RIMS2: variants seen among roughly 807,000 people sequenced by gnomAD.
The protein encoded by RIMS2 is regulating synaptic membrane exocytosis protein 2.
Under a neutral mutation model 174.4 loss-of-function variants are expected in RIMS2, and 59 were observed. That is an observed-to-expected ratio of 0.34 (90% CI 0.27 to 0.42). The LOEUF (loss-of-function observed/expected upper bound fraction) is 0.42. Among genes scored for constraint, RIMS2 ranks in the 10% least tolerant of loss-of-function variants. RIMS2 has a pLI of 1.00. For synonymous variants in RIMS2, 606 were observed against 572.5 expected (o/e 1.06, Z -0.84); for missense variants, 1,620 against 1,666.3 (o/e 0.97, Z 0.48).
chr8:103,824,441 C>G (rs1207055340), intron 3 of RIMS2, among the ~76,000 whole-genome samples: 1 of 152,058 alleles, frequency 6.6e-6, no homozygotes, highest in Non-Finnish European at 1.5e-5. Context: ...TAGGACTCAT[C>G]CACAATTTTA....
At chr8:104,168,254 C>A (rs112826518) in intron 19 of RIMS2, among the ~76,000 whole-genome samples, 1 of 151,942 alleles carries the variant, frequency 6.6e-6, no homozygotes, top group Non-Finnish European at 1.5e-5. Context: ...TTGCTTTGGG[C>A]AGTATGGTCA....
At chr8:103,725,435 A>G (rs907346472) in intron 2 of RIMS2, among the ~76,000 whole-genome samples, 5 of 152,132 alleles carry the variant, frequency 3.3e-5, no homozygotes, top group African/African-American at 1.2e-4. Flanking sequence ...TGACCTTATT[A>G]CCATAGGTAG....
chr8:104,194,716 G>C (rs1482673126), intron 19 of RIMS2, among the ~76,000 whole-genome samples: 1 of 152,118 alleles, frequency 6.6e-6, no homozygotes, highest in Non-Finnish European at 1.5e-5. Context: ...CTGTTTGGTA[G>C]AGGCAGACTC....
intron 2 of RIMS2, among the ~76,000 whole-genome samples, chr8:103,747,655 A>G (rs920773937): frequency 2.0e-5 from 3 of 151,984 alleles, no homozygotes; most frequent in African/African-American, 7.3e-5. Context: ...AAGTGGGATA[A>G]AAGAGATTTT....
Position 104,064,947 on chromosome 8 carries a change from A to G in RIMS2, c.3334+50332A>G, listed in dbSNP as rs2097078240. Reference sequence around the variant, plus strand: ...AATTATAAAACCATATCAAACCACTAAGAAGTCTTCTGAAATAAACATAGT... The same window carrying G: ...AATTATAAAACCATATCAAACCACTGAGAAGTCTTCTGAAATAAACATAGT... On this transcript the variant is annotated intron_variant, in intron 19 of 23. Transcript: ENST00000504942. 2.6e-5 allele frequency among the ~76,000 whole-genome samples: 4 copies of G among 152,218 alleles called. No homozygotes were observed. In the South Asian group the frequency reaches 8.3e-4, roughly 32 times the overall value.
At chr8:104,203,885 CG>C (rs1486125255) in intron 19 of RIMS2, among the ~76,000 whole-genome samples, 1 of 152,142 alleles carries the variant, frequency 6.6e-6, no homozygotes, top group Non-Finnish European at 1.5e-5. Flanking sequence ...AACATTCAAA[CG>C]TTTTTTGCTT....
At chr8:104,166,055 A>ATT (rs2098794775) in intron 19 of RIMS2, among the ~76,000 whole-genome samples, 1 of 119,234 alleles carries the variant, frequency 8.4e-6, no homozygotes, top group African/African-American at 3.1e-5. Context: ...GGTATTTTGG[A>ATT]TTTCTTTTTT....
chr8:103,779,539 T>C (rs1464381386), intron 3 of RIMS2, among the ~76,000 whole-genome samples: 1 of 152,022 alleles, frequency 6.6e-6, no homozygotes, highest in African/African-American at 2.4e-5. Flanking sequence ...GTGCCTTTGT[T>C]GAAAATGAGT....
intron 19 of RIMS2, among the ~76,000 whole-genome samples, chr8:104,056,897 A>T (rs910153452): frequency 7.2e-5 from 11 of 152,016 alleles, no homozygotes; most frequent in African/African-American, 2.7e-4. Flanking sequence ...AAAAAGAAAA[A>T]AAAGTTTTTA....
intron 1 of RIMS2, among the ~76,000 whole-genome samples, chr8:103,584,360 A>G (rs1210024771): frequency 6.6e-6 from 1 of 152,170 alleles, no homozygotes; most frequent in East Asian, 1.9e-4. Flanking sequence ...AATCAGAAAG[A>G]AGAGGACATT....
At chr8:103,759,560 G>C (rs1477296279) in intron 2 of RIMS2, among the ~76,000 whole-genome samples, 1 of 86,440 alleles carries the variant, frequency 1.2e-5, no homozygotes, top group African/African-American at 5.3e-5. Flanking sequence ...GCGAGACTCC[G>C]TCTCAAAAAA....
At chr8:103,701,968 C>T (rs1392665177) in intron 2 of RIMS2, among the ~76,000 whole-genome samples, 1 of 152,010 alleles carries the variant, frequency 6.6e-6, no homozygotes, top group East Asian at 1.9e-4. Flanking sequence ...ATTGTTGGAT[C>T]ATATGGTGGT....
At chr8:103,505,001 G>A (rs1386573224) in intron 1 of RIMS2, among the ~76,000 whole-genome samples, 2 of 151,612 alleles carry the variant, frequency 1.3e-5, no homozygotes, top group Non-Finnish European at 2.9e-5. Context: ...ACAGGCAGGT[G>A]TCATGACACT....
chr8:103,548,313 C>A (rs760483084), intron 1 of RIMS2, among the ~76,000 whole-genome samples: 1 of 152,148 alleles, frequency 6.6e-6, no homozygotes, highest in Non-Finnish European at 1.5e-5. Context: ...AGCTGATGTG[C>A]CACGATCAAC....
chr8:103,748,737 T>C (rs2139627934), intron 2 of RIMS2, among the ~76,000 whole-genome samples: 1 of 152,226 alleles, frequency 6.6e-6, no homozygotes, highest in Non-Finnish European at 1.5e-5. Context: ...TTATAATTTA[T>C]CCTCTTCAGA....
At chr8:103,895,295 C>T (rs1358936301) in intron 4 of RIMS2, among the ~76,000 whole-genome samples, 1 of 151,136 alleles carries the variant, frequency 6.6e-6, no homozygotes, top group Non-Finnish European at 1.5e-5. Context: ...TACCAAATTA[C>T]CATAGACTGG....
chr8:104,075,156 C>G (rs957928353), intron 19 of RIMS2, among the ~76,000 whole-genome samples: 9 of 151,998 alleles, frequency 5.9e-5, no homozygotes, highest in Non-Finnish European at 1.0e-4. Context: ...GTGCCTGCTA[C>G]AGGAAGAGCT....
Position 103,916,409 on chromosome 8 carries a change from T to A in RIMS2, c.1913-5T>A, listed in dbSNP as rs2076642190. The A allele has an allele frequency of 6.3e-7, 1 of 1,599,844 alleles. No homozygotes were observed. Among genetic ancestry groups the A allele is most frequent in the Admixed American group, 1.7e-5 (1 of 58,140 alleles). On this transcript the variant is annotated splice_region_variant and splice_polypyrimidine_tract_variant and intron_variant, in intron 7 of 23. Coordinates refer to ENST00000504942, the Ensembl canonical transcript of RIMS2. ...TAAGATTATTATTACTGACACCCAC[T>A]ATAGGTGATGAAGTATTAGAATGGA... is the stretch of plus-strand genomic sequence containing the variant.
chr8:103,827,424 T>A (rs2154477300), intron 3 of RIMS2, among the ~76,000 whole-genome samples: 2 of 152,350 alleles, frequency 1.3e-5, no homozygotes, highest in Middle Eastern at 6.8e-3. Context: ...CAGTTTTATT[T>A]CTTTTCCAGT....
Sources: allele counts gnomAD v4.1 joint callset (sites outside exome capture counted in the v4.1 genomes callset), GRCh38; gene constraint gnomAD v4.1.1; transcripts MANE v1.5; gene names NCBI Gene and HGNC (gene_info 2026-07-23, HGNC 2026-07-21).